CHD9: variants seen among roughly 807,000 people sequenced by gnomAD.
The protein encoded by CHD9 is ATP-dependent chromatin remodeler CHD9.
A neutral mutation model predicts 316.1 loss-of-function variants in CHD9; 77 were observed. That is an observed-to-expected ratio of 0.24 (90% CI 0.20 to 0.29). CHD9 has a LOEUF of 0.29. Among genes scored for constraint, CHD9 ranks in the 10% least tolerant of loss-of-function variants. The pLI is 1.00. For missense variants in CHD9, 2,763 were observed against 3,438.1 expected (o/e 0.80, Z 4.91); for synonymous variants, 1,129 against 1,158.3 (o/e 0.97, Z 0.51).
At chr16:53,288,509 A>G (rs943442995) in intron 27 of CHD9, among the ~76,000 whole-genome samples, 2 of 152,202 alleles carry the variant, frequency 1.3e-5, no homozygotes, top group African/African-American at 2.4e-5. Context: ...GAGTGGGGAA[A>G]AGGATTTTAA....
At chr16:53,071,195 C>T (rs1028235344) in intron 1 of CHD9, among the ~76,000 whole-genome samples, 1 of 152,042 alleles carries the variant, frequency 6.6e-6, no homozygotes, top group Admixed American at 6.6e-5. Context: ...GTGTAGAAGA[C>T]GTTCACCTCC....
At chr16:53,107,904 A>G (rs970337798) in intron 1 of CHD9, among the ~76,000 whole-genome samples, 5 of 152,136 alleles carry the variant, frequency 3.3e-5, no homozygotes, top group African/African-American at 1.2e-4. Flanking sequence ...AACACTGTAT[A>G]TCATGTGGTG....
chr16:53,138,257 C>T (rs1372803096), intron 1 of CHD9, among the ~76,000 whole-genome samples: 1 of 151,836 alleles, frequency 6.6e-6, no homozygotes, highest in Non-Finnish European at 1.5e-5. Flanking sequence ...TTATTTTATA[C>T]CATTAGTAAG....
intron 2 of CHD9, among the ~76,000 whole-genome samples, chr16:53,192,584 A>G (rs1268938161): frequency 1.3e-5 from 2 of 152,214 alleles, no homozygotes; most frequent in Non-Finnish European, 2.9e-5. Context: ...TAACCTTACC[A>G]TAATCAAGAC....
intron 1 of CHD9, among the ~76,000 whole-genome samples, chr16:53,089,644 A>G (rs1164651625): frequency 6.6e-6 from 1 of 152,208 alleles, no homozygotes. Flanking sequence ...CTGGCTCTGA[A>G]TTCCCTGGCA....
At chr16:53,213,377 C>T (rs2046482222) in intron 3 of CHD9, among the ~76,000 whole-genome samples, 1 of 152,068 alleles carries the variant, frequency 6.6e-6, no homozygotes, top group Admixed American at 6.6e-5. Flanking sequence ...TAAAAGCTGC[C>T]TTTCATACAA....
chr16:53,200,754 T>TA (rs774929627), intron 2 of CHD9, among the ~76,000 whole-genome samples: 3 of 152,040 alleles, frequency 2.0e-5, no homozygotes, highest in Admixed American at 1.3e-4. Flanking sequence ...GTATTAATTA[T>TA]AAAAAAAGAC....
intron 31 of CHD9, 60 bp downstream of exon 31, chr16:53,304,685 TTTC>T (rs1305555657): frequency 2.0e-6 from 2 of 1,022,966 alleles, no homozygotes; most frequent in South Asian, 2.6e-5. Context: ...TTTCTTTTCT[TTTC>T]TTTTCTTTTT....
intron 1 of CHD9, among the ~76,000 whole-genome samples, chr16:53,076,699 G>C (rs944684726): frequency 6.6e-6 from 1 of 151,912 alleles, no homozygotes; most frequent in African/African-American, 2.4e-5. Flanking sequence ...ACTTGAACCT[G>C]GAGGTGGAGG....
intron 2 of CHD9, chr16:53,208,213 A>C: frequency 8.6e-7 from 1 of 1,161,426 alleles, no homozygotes; most frequent in African/African-American, 1.6e-5. Flanking sequence ...TCTTGGTTGC[A>C]GCTTGCTAAA....
chr16:53,161,037 A>G (rs566120240), intron 2 of CHD9, among the ~76,000 whole-genome samples: 6 of 152,256 alleles, frequency 3.9e-5, no homozygotes, highest in Admixed American at 2.6e-4. Context: ...GTGAGCTGTG[A>G]TTGTGTTGCT....
rs1224692565 is a variant in CHD9, at chr16:53,235,312, T to C, written c.2633+6T>C. The C allele has an allele frequency of 6.6e-7, 1 of 1,509,616 alleles. No homozygotes were observed. The highest frequency in any genetic ancestry group is 8.9e-7 in the Non-Finnish European group (1 of 1,129,002). 93.5% of individuals were successfully genotyped at this position (1,509,616 alleles called of 1,614,324 possible). A position where few individuals can be genotyped will look rare whatever the true frequency, so the allele number is the denominator to read the frequency against. On this transcript the variant is annotated splice_donor_region_variant and intron_variant, in intron 11 of 38. Coordinates refer to ENST00000447540, the MANE Select transcript of CHD9 (RefSeq NM_001308319.2). ...TTGTTCAATTGGTACAATAGGTATG[T>C]AGTATATCTTAATAAAAAAAATTTA...
rs2051298631 is a variant in CHD9, at chr16:53,263,018, A to G, written c.4241A>G (p.Asp1414Gly). ...TTTGTGGCATCTGGAAACCGGACAG[A>G]TATTTCTTTAGATGATCCCAACTTC... ...ASFVASGNRTDISLDDPNFWQ... is the reference protein window; with the variant it reads ...ASFVASGNRTGISLDDPNFWQ... The change falls in exon 20 of 39, where the codon GAT (aspartate) becomes GGT (glycine). Residue 1414 changes from aspartate to glycine, a missense_variant. This residue lies in a region of CHD9 where 199 missense variants were observed against 251.7 expected (regional missense o/e 0.79). Coordinates refer to ENST00000447540, the MANE Select transcript of CHD9 (RefSeq NM_001308319.2). 2 of 1,612,802 alleles carry G rather than the reference A, an allele frequency of 1.2e-6. No homozygotes were observed. The highest frequency in any genetic ancestry group is 8.5e-7 in the Non-Finnish European group (1 of 1,179,224).
chr16:53,188,602 CTTTTTT>C (rs369979479), intron 2 of CHD9, among the ~76,000 whole-genome samples: 2 of 71,236 alleles, frequency 2.8e-5, no homozygotes, highest in Non-Finnish European at 5.5e-5. Flanking sequence ...TGGTCATTAC[CTTTTTT>C]TTTTTTTTTT....
intron 1 of CHD9, among the ~76,000 whole-genome samples, chr16:53,061,156 A>G (rs1286285109): frequency 6.6e-6 from 1 of 151,906 alleles, no homozygotes; most frequent in Non-Finnish European, 1.5e-5. Context: ...CGAACTCCTG[A>G]CCTCAGGTGA....
At chr16:53,119,659 C>T (rs985245272) in intron 1 of CHD9, among the ~76,000 whole-genome samples, 1 of 152,098 alleles carries the variant, frequency 6.6e-6, no homozygotes, top group Non-Finnish European at 1.5e-5. Context: ...ATGGTGAAAT[C>T]TCGTCTCTAC....
At chr16:53,204,361 C>G (rs1265857367) in intron 2 of CHD9, among the ~76,000 whole-genome samples, 2 of 152,082 alleles carry the variant, frequency 1.3e-5, no homozygotes, top group African/African-American at 4.8e-5. Context: ...AATTATTTCA[C>G]CAGAGGAGAA....
chr16:53,304,112 G>C lies in CHD9; in HGVS notation c.6106G>C (p.Asp2036His). Residue 2036 changes from aspartate (D) to histidine (H), a missense_variant, in exon 31 of 39, where the codon GAT becomes CAT. Physicochemically the swap from Asp to His is moderately conservative, Grantham distance 81 (BLOSUM62 -1). Around this residue, in one of 15 missense-constraint regions of CHD9, gnomAD observed 663 missense variants for 751.2 expected, o/e 0.88. Coordinates refer to ENST00000447540, the MANE Select transcript of CHD9 (RefSeq NM_001308319.2). ...SPLTSLPRLL[D>H]AKGIILEEMK... ...TCTTACCTCTCTACCTAGGCTCCTA[G>C]ATGCTAAAGGTATTATTCTAGAGGA... The C allele has an allele frequency of 6.2e-7, 1 of 1,613,828 alleles. No homozygotes were observed. Among genetic ancestry groups the C allele is most frequent in the Non-Finnish European group, 8.5e-7 (1 of 1,179,834 alleles).
At chr16:53,291,482 A>G (rs1382074112) in intron 27 of CHD9, among the ~76,000 whole-genome samples, 2 of 152,234 alleles carry the variant, frequency 1.3e-5, no homozygotes, top group Admixed American at 6.5e-5. Flanking sequence ...CTTAACAGTA[A>G]TCATAGAAAA....
Sources: gnomAD v4.1 joint callset for allele counts (sites outside exome capture counted in the v4.1 genomes callset) on GRCh38, gnomAD v4.1.1 for gene constraint, gnomAD v4.1.1 regional missense constraint, MANE v1.5 for transcripts, NCBI Gene and HGNC (gene_info 2026-07-23, HGNC 2026-07-21) for gene names.